The following ZNF582 variants were observed in gnomAD, a reference collection of about 807,000 sequenced individuals.
ZNF582 encodes zinc finger protein 582.
In ZNF582, 14 loss-of-function variants were observed where a neutral mutation model predicts 12.3. The observed-to-expected ratio is 1.14, with a 90% CI of 0.75 to 1.78. ZNF582 has a LOEUF of 1.78. Among genes scored for constraint, ZNF582 ranks in the 40% most tolerant of loss-of-function variants. The pLI is 0.00. For synonymous variants in ZNF582, 210 were observed against 207.2 expected (o/e 1.01, Z -0.11); for missense variants, 567 against 616.5 (o/e 0.92, Z 0.85).
intron 1 of ZNF582, among the ~76,000 whole-genome samples, chr19:56,392,632 C>T (rs1163199724): frequency 6.6e-6 from 1 of 152,190 alleles, no homozygotes; most frequent in Non-Finnish European, 1.5e-5. Context: ...CAAAAACTGA[C>T]AAGCAAAGAT....
At chr19:56,382,915 T>C (rs183857028) in exon 5 of ZNF582, 87 of 152,246 alleles carry the variant, frequency 5.7e-4, no homozygotes, top group African/African-American at 2.0e-3. Context: ...TCAGGCATCA[T>C]GTTCTTATAT....
exon 4 of ZNF582, chr19:56,390,027 C>T (rs11883260): frequency 1.2e-6 from 2 of 1,613,896 alleles, no homozygotes; most frequent in South Asian, 2.2e-5. Context: ...AGACACCACT[C>T]TCTCCACCAT....
intron 4 of ZNF582, 112 bp downstream of exon 4, chr19:56,389,887 GAC>G: frequency 4.0e-6 from 3 of 752,574 alleles, no homozygotes; most frequent in East Asian, 2.6e-5. Context: ...CAACACGTAA[GAC>G]ATAAGCTTTG....
chr19:56,384,093 G>A lies in ZNF582; in HGVS notation c.1324C>T (p.Gln442Ter). Residue 442 changes from glutamine to a stop codon, truncating the protein, a stop_gained, in exon 5 of 5, where the codon CAG (glutamine) becomes TAG (stop). Coordinates refer to ENST00000586929, the Ensembl canonical transcript of ZNF582. LOFTEE classifies it low-confidence loss of function (END_TRUNC). Reference sequence around the variant, plus strand: ...GGCTTTTTCTCAGTGTGAATAACCTGATGATGAATCAATTGTGAGCAATGA... The same window carrying A: ...GGCTTTTTCTCAGTGTGAATAACCTAATGATGAATCAATTGTGAGCAATGA... 6.2e-7 allele frequency: 1 copy of A among 1,611,806 alleles called. No individual in the cohort carries two copies. Among genetic ancestry groups the A allele is most frequent in the South Asian group, 1.1e-5 (1 of 90,618 alleles).
chr19:56,383,102 A>T (rs1176699149), exon 5 of ZNF582: 1 of 152,240 alleles, frequency 6.6e-6, no homozygotes, highest in African/African-American at 2.4e-5. Context: ...ATATTCTCAG[A>T]GTCCAAGGCA....
Position 56,389,999 on chromosome 19 carries a change from A to G in ZNF582, c.232+2T>C, listed in dbSNP as rs752815066. On this transcript the variant is annotated splice_donor_variant, in intron 4 of 4. Coordinates refer to ENST00000586929, the Ensembl canonical transcript of ZNF582. LOFTEE classifies it high-confidence loss of function. ...CTCCCTTCCCAATGATACCTCACTC[A>G]CCTGGACACAGGCCTCCAGACACCA... The G allele has an allele frequency of 6.2e-7, 1 of 1,613,298 alleles. No individual in the cohort carries two copies. The highest frequency in any genetic ancestry group is 8.5e-7 in the Non-Finnish European group (1 of 1,179,436).
intron 4 of ZNF582, chr19:56,388,372 C>A (rs2041986054): frequency 1.3e-5 from 2 of 152,194 alleles, no homozygotes; most frequent in Admixed American, 6.5e-5. Context: ...GAAAGCTCTT[C>A]TTTACAGGAG....
In ZNF582 at chr19:56,391,836, G is replaced by A. The variant is rs2042016455; in HGVS notation, c.-80-4C>T. The A allele has an allele frequency of 8.7e-6, 14 of 1,613,424 alleles. No homozygotes were observed. Among genetic ancestry groups the A allele is most frequent in the Non-Finnish European group, 1.1e-5 (13 of 1,179,722 alleles). ...GCAGAGTCCTGCGACGGTAGAGCTGGGGGAGGAAAGAGCAAACATGAGAGG... is the reference window on the plus strand; with the variant it reads ...GCAGAGTCCTGCGACGGTAGAGCTGAGGGAGGAAAGAGCAAACATGAGAGG... On this transcript the variant is annotated splice_region_variant and splice_polypyrimidine_tract_variant and intron_variant, in intron 1 of 4. Coordinates refer to ENST00000586929, the Ensembl canonical transcript of ZNF582.
At chr19:56,388,753 C>T (rs1402363752) in intron 4 of ZNF582, among the ~76,000 whole-genome samples, 1 of 152,194 alleles carries the variant, frequency 6.6e-6, no homozygotes, top group African/African-American at 2.4e-5. Context: ...CTGCTTCAGC[C>T]TCCCAAGTAG....
chr19:56,392,271 T>C (rs1293727859), intron 1 of ZNF582, among the ~76,000 whole-genome samples: 3 of 152,248 alleles, frequency 2.0e-5, no homozygotes, highest in Non-Finnish European at 4.4e-5. Flanking sequence ...TTTGAAAGTC[T>C]ACCTGGCTCT....
exon 5 of ZNF582, chr19:56,383,144 T>C (rs1311356766): frequency 1.3e-5 from 2 of 152,202 alleles, no homozygotes; most frequent in African/African-American, 4.8e-5. Context: ...CAAGGGGAAT[T>C]GGGTATGGCT....
At chr19:56,383,764 T>G (rs1461635677) in exon 5 of ZNF582, 3 of 1,355,902 alleles carry the variant, frequency 2.2e-6, no homozygotes, top group Middle Eastern at 2.7e-4. Flanking sequence ...TTTTCAGACT[T>G]AGGATAAAGG....
chr19:56,387,263 G>C (rs1416770145), intron 4 of ZNF582: 3 of 152,178 alleles, frequency 2.0e-5, no homozygotes, highest in African/African-American at 7.2e-5. Flanking sequence ...TTATTCAACA[G>C]AACCAGTATT....
intron 4 of ZNF582, among the ~76,000 whole-genome samples, chr19:56,385,622 A>G (rs922092562): frequency 7.2e-5 from 11 of 151,900 alleles, no homozygotes; most frequent in African/African-American, 2.2e-4. Flanking sequence ...GGCTGTAGAG[A>G]GCTATGATCA....
exon 5 of ZNF582, chr19:56,383,761 A>C: frequency 7.4e-7 from 1 of 1,344,802 alleles, no homozygotes; most frequent in Non-Finnish European, 9.8e-7. Context: ...GAATTTTCAG[A>C]CTTAGGATAA....
intron 3 of ZNF582, 49 bp from the exon 4 acceptor site, chr19:56,390,145 GA>G (rs2042003048): frequency 6.4e-7 from 1 of 1,558,406 alleles, no homozygotes. Flanking sequence ...GGGGGCCCCA[GA>G]ATTCAGATCC....
At chr19:56,393,477 GCGCCCCCGGCAGCCCA>G in exon 1 of ZNF582, 1 of 514,360 alleles carries the variant, frequency 1.9e-6, no homozygotes, top group African/African-American at 1.9e-5. Context: ...CACCGCGGCC[GCGCCCCCGGCAGCCCA>G]GGGCGCGCTT....
exon 5 of ZNF582, chr19:56,384,443 T>A (rs750455046): frequency 1.3e-6 from 2 of 1,597,286 alleles, no homozygotes; most frequent in South Asian, 1.1e-5. Flanking sequence ...TTGAATCAAC[T>A]GAGAACGATG....
exon 5 of ZNF582, chr19:56,383,855 C>A: frequency 6.5e-7 from 1 of 1,541,054 alleles, no homozygotes; most frequent in Non-Finnish European, 8.7e-7. Context: ...GTCACAGTCA[C>A]AATTAGCCTA....
Sources: gnomAD v4.1 joint callset for allele counts (sites outside exome capture counted in the v4.1 genomes callset) on GRCh38, gnomAD v4.1.1 for gene constraint, MANE v1.5 for transcripts, NCBI Gene and HGNC (gene_info 2026-07-23, HGNC 2026-07-21) for gene names.